The following THOC1 variants were observed in gnomAD, a reference collection of about 807,000 sequenced individuals.
The protein encoded by THOC1 is THO complex 1.
In THOC1, 29 loss-of-function variants were observed where a neutral mutation model predicts 97.3. That is an observed-to-expected ratio of 0.30 (90% CI 0.22 to 0.41). THOC1 has a LOEUF of 0.41. THOC1 is among the 10% of genes least tolerant of loss of function. THOC1 has a pLI of 1.00. For missense variants in THOC1, 529 were observed against 761.9 expected (o/e 0.69, Z 3.60); for synonymous variants, 255 against 257.0 (o/e 0.99, Z 0.07).
rs778985342 is a variant in THOC1 at position 224,136 on chromosome 18, C to T, written c.1252G>A (p.Ala418Thr). The change falls in exon 16 of 21, where the codon GCA (alanine) becomes ACA (threonine). Residue 418 changes from alanine (A) to threonine (T), a missense_variant. Transcript: ENST00000261600. ...KPTRIIRKRT[A>T]PEDFLGKGPT... ...CCTTTCCCTAGGAAGTCCTCGGGTG[C>T]TGTTCTCTTCCGAATTATTCTCGTA... 4 of 1,611,324 alleles carry T rather than the reference C, an allele frequency of 2.5e-6. No individual in the cohort carries two copies. The highest frequency in any genetic ancestry group is 1.3e-5 in the African/African-American group (1 of 74,910).
chr18:248,816 T>C (rs930258646), intron 9 of THOC1, among the ~76,000 whole-genome samples: 4 of 152,118 alleles, frequency 2.6e-5, no homozygotes, highest in African/African-American at 9.7e-5. Flanking sequence ...AGTGGTGCGA[T>C]CTCAGCTCAC....
intron 15 of THOC1, 52 bp from the exon 16 acceptor site, chr18:224,231 A>T (rs752611733): frequency 7.8e-7 from 1 of 1,276,936 alleles, no homozygotes; most frequent in Non-Finnish European, 1.1e-6. Context: ...GGATAACAGA[A>T]ATAGAAGAAT....
At chr18:244,856 A>C (rs1912033131) in intron 11 of THOC1, 1 of 151,232 alleles carries the variant, frequency 6.6e-6, no homozygotes, top group Admixed American at 6.6e-5. Flanking sequence ...CTGCTCTTCC[A>C]CTTAAAAAAA....
chr18:231,037 C>T (rs1435131284), intron 11 of THOC1, among the ~76,000 whole-genome samples: 1 of 152,194 alleles, frequency 6.6e-6, no homozygotes, highest in African/African-American at 2.4e-5. Context: ...CAGGTGTAGG[C>T]CATCATGCCT....
chr18:265,406 G>T, intron 2 of THOC1, 43 bp from the exon 3 acceptor site: 1 of 1,589,166 alleles, frequency 6.3e-7, no homozygotes, highest in Non-Finnish European at 8.6e-7. Flanking sequence ...AACAGCTCAG[G>T]GTATGTATAA....
chr18:252,625 A>G lies in THOC1; in HGVS notation c.604-13T>C, dbSNP rs1024974328. The G allele has an allele frequency of 6.9e-6, 11 of 1,596,566 alleles. No homozygotes were observed. The highest frequency in any genetic ancestry group is 9.4e-6 in the Non-Finnish European group (11 of 1,169,018). ...TATCTTCAGTGTGCTAAATTGAAAAAAAAATGTATAGCCTGTCATGAAGCA... is the reference window on the plus strand; with the variant it reads ...TATCTTCAGTGTGCTAAATTGAAAAGAAAATGTATAGCCTGTCATGAAGCA... On this transcript the variant is annotated splice_polypyrimidine_tract_variant and intron_variant, in intron 8 of 20. Coordinates refer to ENST00000261600, the MANE Select transcript of THOC1 (RefSeq NM_005131.3).
chr18:241,539 T>C (rs544441630), intron 11 of THOC1, among the ~76,000 whole-genome samples: 46 of 152,330 alleles, frequency 3.0e-4, no homozygotes, highest in Admixed American at 1.2e-3. Context: ...CTCACCCTGG[T>C]AACTGCTAGC....
intron 17 of THOC1, 21 bp from the exon 18 acceptor site, chr18:218,990 C>A (rs1448793828): frequency 1.5e-5 from 23 of 1,524,234 alleles, no homozygotes. Context: ...CAAAAATAAC[C>A]AGTGAGGATG....
At chr18:218,366 C>T (rs621782) in intron 18 of THOC1, among the ~76,000 whole-genome samples, 94,556 of 151,546 alleles carry the variant, frequency 0.62, 29,627 homozygotes, top group South Asian at 0.76. Flanking sequence ...CATGAGACTG[C>T]GGTGTCACCC....
intron 11 of THOC1, among the ~76,000 whole-genome samples, chr18:228,744 C>T (rs758099349): frequency 6.6e-6 from 1 of 152,224 alleles, no homozygotes; most frequent in Non-Finnish European, 1.5e-5. Context: ...CTTCTCTATA[C>T]CAACCCTCAG....
At chr18:258,123 G>C (rs1482234318) in intron 7 of THOC1, among the ~76,000 whole-genome samples, 2 of 152,048 alleles carry the variant, frequency 1.3e-5, no homozygotes, top group Non-Finnish European at 2.9e-5. Flanking sequence ...AGAAAAAAAT[G>C]TAGATTATCT....
At chr18:265,235 A>T in intron 3 of THOC1, 68 bp downstream of exon 3, 1 of 1,336,804 alleles carries the variant, frequency 7.5e-7, no homozygotes, top group Non-Finnish European at 1.0e-6. Flanking sequence ...TAAGAAAAAA[A>T]GCAATTTTTA....
chr18:251,548 T>C (rs1912278984), intron 9 of THOC1, among the ~76,000 whole-genome samples: 1 of 150,520 alleles, frequency 6.6e-6, no homozygotes. Context: ...AACATTGTTT[T>C]ATTGTAACGT....
At chr18:216,457 G>C in intron 19 of THOC1, 29 bp downstream of exon 19, 3 of 1,606,206 alleles carry the variant, frequency 1.9e-6, no homozygotes, top group Non-Finnish European at 2.6e-6. Flanking sequence ...TCAACTAAAG[G>C]GTATGAAAAG....
At position 236,350 on chromosome 18, in the gene THOC1, CTTTTT is replaced by C. The variant is rs71174215; in HGVS notation, c.919-9454_919-9450del. Among the ~76,000 whole-genome samples the C allele has an allele frequency of 3.5e-3, 308 of 88,396 alleles. 1 individual carries two copies. The highest frequency in any genetic ancestry group is 0.012 in the African/African-American group (294 of 24,108). The allele number at this position is 88,396 out of a possible 152,430, so 58.0% of individuals were successfully genotyped here. On this transcript the variant is annotated intron_variant, in intron 11 of 20. Coordinates refer to ENST00000261600, the MANE Select transcript of THOC1 (RefSeq NM_005131.3). ...TGCATAACTAGGAAAGAATAAGATTCTTTTTTTTTTTTTTTTTTTTTTTGAGACGG... is the reference window on the plus strand; with the variant it reads ...TGCATAACTAGGAAAGAATAAGATTCTTTTTTTTTTTTTTTTTTGAGACGG...
intron 11 of THOC1, among the ~76,000 whole-genome samples, chr18:234,984 G>A (rs576915360): frequency 4.0e-5 from 6 of 151,722 alleles, no homozygotes; most frequent in South Asian, 4.2e-4. Flanking sequence ...TCTTTGAAGT[G>A]TTGATAAGAT....
intron 9 of THOC1, among the ~76,000 whole-genome samples, chr18:250,433 G>A (rs1912242376): frequency 6.6e-6 from 1 of 152,026 alleles, no homozygotes; most frequent in South Asian, 2.1e-4. Flanking sequence ...TATTGTATTT[G>A]CAAATAATAA....
intron 7 of THOC1, among the ~76,000 whole-genome samples, chr18:258,391 AC>A (rs1912501318): frequency 6.6e-6 from 1 of 152,136 alleles, no homozygotes; most frequent in African/African-American, 2.4e-5. Context: ...ATGATCACAG[AC>A]AGAAAGCCAG....
Position 234,679 on chromosome 18 carries a change from G to C in THOC1, c.919-7778C>G, listed in dbSNP as rs535394775. Among the ~76,000 whole-genome samples, 8 of 152,270 alleles carry C rather than the reference G, an allele frequency of 5.3e-5. No individual in the cohort carries two copies. In the South Asian group the frequency reaches 1.2e-3, roughly 24 times the overall value. On this transcript the variant is annotated intron_variant, in intron 11 of 20. Coordinates refer to ENST00000261600, the MANE Select transcript of THOC1 (RefSeq NM_005131.3). Reference sequence around the variant, plus strand: ...TTACAGGCGTAAGCCAATACGCCCAGCCAATCGGTTGTTAATCTGGCATTA... The same window carrying C: ...TTACAGGCGTAAGCCAATACGCCCACCCAATCGGTTGTTAATCTGGCATTA...
Sources: gnomAD v4.1 joint callset for allele counts (sites outside exome capture counted in the v4.1 genomes callset) on GRCh38, gnomAD v4.1.1 for gene constraint, MANE v1.5 for transcripts, NCBI Gene and HGNC (gene_info 2026-07-23, HGNC 2026-07-21) for gene names.